Variants in PDLIM2 observed in about 807,000 individuals in gnomAD.
PDLIM2 encodes PDZ and LIM domain protein 2.
PDLIM2 carries 51 observed loss-of-function variants against 54.1 expected under a neutral mutation model. The observed-to-expected ratio is 0.94, with a 90% CI of 0.75 to 1.19. The LOEUF is 1.19. Among genes scored for constraint, PDLIM2 ranks in the 50% most tolerant of loss-of-function variants. The pLI, the probability that PDLIM2 is intolerant of heterozygous loss-of-function variation, is 0.00. For missense variants in PDLIM2, 912 were observed against 874.0 expected, an observed-to-expected ratio of 1.04 and a Z score of -0.55; for synonymous variants, 398 against 385.6, an observed-to-expected ratio of 1.03 and a Z score of -0.38.
chr8:22,593,373 G>C (rs1208172515), intron 9 of PDLIM2: 5 of 191,638 alleles, frequency 2.6e-5, no homozygotes, highest in Non-Finnish European at 5.3e-5. Flanking sequence ...GGTTGGGAGG[G>C]CAAGACCGTC....
chr8:22,584,031 T>TCAACCTGTCTG (rs994653683), intron 3 of PDLIM2, among the ~76,000 whole-genome samples: 3 of 151,924 alleles, frequency 2.0e-5, no homozygotes, highest in Admixed American at 2.0e-4. Context: ...AGATGGAGTC[T>TCAACCTGTCTG]CACTCTGTCG....
intron 6 of PDLIM2, chr8:22,589,071 G>A: frequency 1.7e-6 from 1 of 585,112 alleles, no homozygotes; most frequent in Non-Finnish European, 3.0e-6. Context: ...CTGGACCCTG[G>A]CAGTCTCTGC....
chr8:22,594,811 C>A (rs1356133357), downstream of PDLIM2: 10 of 1,182,756 alleles, frequency 8.5e-6, no homozygotes, highest in Admixed American at 6.1e-5. Flanking sequence ...AGGCTTTAGG[C>A]CCAGGTACTG....
intron 3 of PDLIM2, 30 bp downstream of exon 2, chr8:22,581,560 G>A: frequency 6.5e-7 from 1 of 1,538,800 alleles, no homozygotes; most frequent in South Asian, 1.2e-5. Flanking sequence ...AGAGCCTGTG[G>A]CATTCCCCCT....
At chr8:22,591,288 T>C in intron 8 of PDLIM2, 2 of 547,784 alleles carry the variant, frequency 3.7e-6, no homozygotes, top group Non-Finnish European at 6.6e-6. Flanking sequence ...AGGGAGCACC[T>C]GCTTCACCTG....
chr8:22,597,276 ATCAC>A (rs890431241), downstream of PDLIM2: 4 of 152,278 alleles, frequency 2.6e-5, no homozygotes, highest in African/African-American at 9.6e-5. Context: ...TCCTTCAAGC[ATCAC>A]TCAGAGAGCC....
intron 4 of PDLIM2, 37 bp from the exon 4 acceptor site, chr8:22,584,980 A>G (rs774226870): frequency 1.2e-6 from 2 of 1,613,290 alleles, no homozygotes; most frequent in South Asian, 2.2e-5. Context: ...TTGGCGGGGC[A>G]GCCCTGCCTT....
exon 1 of PDLIM2, chr8:22,579,205 G>C (rs1465384200): frequency 7.2e-7 from 1 of 1,387,720 alleles, no homozygotes; most frequent in Non-Finnish European, 9.3e-7. Context: ...CGCCCAGCCG[G>C]ACAGGTGAGC....
intron 3 of PDLIM2, among the ~76,000 whole-genome samples, chr8:22,582,046 T>C (rs764273923): frequency 2.0e-5 from 3 of 152,186 alleles, no homozygotes; most frequent in Non-Finnish European, 4.4e-5. Flanking sequence ...GGGTTACTCC[T>C]AGGGTTTTGA....
In PDLIM2 at chr8:22,579,454, T is replaced by C. The variant is rs1387793846; in HGVS notation, c.675T>C (p.Thr225=). The change falls in exon 1 of 10, where the codon ACT becomes ACC. Residue 225 remains threonine (T), a synonymous_variant. Transcript: ENST00000308354. ...CTCGGAGCGAAGGAGGCTCCAGAAC[T>C]GGTAGAGCCGGGCCATCGGGCTGGG... 14 of 1,518,194 alleles carry C rather than the reference T, an allele frequency of 9.2e-6. No homozygotes were observed. In the East Asian group the frequency reaches 3.6e-4, roughly 40 times the overall value. 94.0% of individuals were successfully genotyped at this position (1,518,194 alleles called of 1,614,324 possible). A position where few individuals can be genotyped will look rare whatever the true frequency, so the allele number is the denominator to read the frequency against.
At chr8:22,596,175 C>G (rs1800680518), downstream of PDLIM2, 1 of 152,248 alleles carries the variant, frequency 6.6e-6, no homozygotes, top group African/African-American at 2.4e-5. Flanking sequence ...TGGACAGATT[C>G]CCACCTGTAT....
At chr8:22,594,768 G>A, downstream of PDLIM2, 1 of 1,425,784 alleles carries the variant, frequency 7.0e-7, no homozygotes, top group South Asian at 1.4e-5. Flanking sequence ...ATTGGTGATT[G>A]ATTTGGAGGG....
chr8:22,589,222 G>T (rs1199883855), intron 6 of PDLIM2, 76 bp from the exon 6 acceptor site: 1 of 1,479,940 alleles, frequency 6.8e-7, no homozygotes, highest in Non-Finnish European at 9.1e-7. Flanking sequence ...CCTGGGAACA[G>T]CCGGGCTAGG....
chr8:22,593,701 G>T lies in PDLIM2; in HGVS notation c.1632-32G>T, dbSNP rs1287693323. On this transcript the variant is annotated intron_variant, in intron 9 of 9. Coordinates refer to ENST00000308354, the Ensembl canonical transcript of PDLIM2. ...TGGTGGCCTCCTGCTTGGTGCTGTG[G>T]CTCTGAGCTAAAGCCTCTCCCTCCC... The T allele has an allele frequency of 2.6e-6, 4 of 1,542,170 alleles. No individual in the cohort carries two copies. In the African/African-American group the frequency reaches 5.4e-5, roughly 21 times the overall value.
chr8:22,585,069 C>G, exon 5 of PDLIM2: 1 of 1,614,092 alleles, frequency 6.2e-7, no homozygotes, highest in Non-Finnish European at 8.5e-7. Flanking sequence ...TCCTCCTACT[C>G]CAGCCCAACC....
chr8:22,593,023 GC>G (rs1303425990), intron 9 of PDLIM2: 1 of 152,472 alleles, frequency 6.6e-6, no homozygotes, highest in African/African-American at 2.4e-5. Flanking sequence ...ACAGGCGTGT[GC>G]CACCATACCT....
rs754026079 is a variant in PDLIM2, at chr8:22,591,510, T to C, written c.1514-41T>C. 3 of 1,557,462 alleles carry C rather than the reference T, an allele frequency of 1.9e-6. No homozygotes were observed. In the Admixed American group the frequency reaches 5.0e-5, roughly 26 times the overall value. On this transcript the variant is annotated intron_variant, in intron 8 of 9. Transcript: ENST00000308354. ...GAGCATCTTTGGGAGGATGCTGTGG[T>C]TGGTGGGCTCTCACCACATGTCTGT...
intron 9 of PDLIM2, chr8:22,591,986 C>T (rs1252047263): frequency 1.8e-5 from 4 of 219,250 alleles, no homozygotes; most frequent in African/African-American, 6.8e-5. Flanking sequence ...AAATCTTGCT[C>T]TTTCCCCTTC....
At chr8:22,590,353 TG>T (rs1352592634) in intron 8 of PDLIM2, 1 of 153,846 alleles carries the variant, frequency 6.5e-6, no homozygotes, top group Non-Finnish European at 1.4e-5. Context: ...CCGTTATTCA[TG>T]TGACAGACAC....
Sources: allele counts gnomAD v4.1 joint callset (sites outside exome capture counted in the v4.1 genomes callset), GRCh38; gene constraint gnomAD v4.1.1; transcripts MANE v1.5; gene names NCBI Gene and HGNC (gene_info 2026-07-23, HGNC 2026-07-21).